BABAM2: variants seen among roughly 807,000 people sequenced by gnomAD.
BABAM2 encodes BRISC and BRCA1 A complex member 2.
A neutral mutation model predicts 54.7 loss-of-function variants in BABAM2; 31 were observed. The ratio of observed to expected loss-of-function variants is 0.57; its 90% confidence interval spans 0.43 to 0.77. BABAM2 has a LOEUF of 0.77. Ranked by LOEUF, BABAM2 falls within the 30% of genes least tolerant of loss-of-function variation. The pLI is 0.00. For missense variants in BABAM2, 364 were observed against 455.8 expected (o/e 0.80, Z 1.83); for synonymous variants, 167 against 162.9 (o/e 1.03, Z -0.19).
intron 4 of BABAM2, among the ~76,000 whole-genome samples, chr2:28,023,499 CAGA>C (rs1217961562): frequency 1.3e-5 from 2 of 152,148 alleles, no homozygotes; most frequent in Non-Finnish European, 2.9e-5. Flanking sequence ...TTGAACAGCT[CAGA>C]AGGAGTTTCT....
chr2:27,909,169 T>C (rs2148299031), intron 2 of BABAM2, among the ~76,000 whole-genome samples: 1 of 152,202 alleles, frequency 6.6e-6, no homozygotes, highest in African/African-American at 2.4e-5. Flanking sequence ...CTCAGCCTCT[T>C]GAGTAGCTGG....
rs189839853 is a variant in BABAM2, at chr2:28,184,532, A to G, written c.681-52670A>G. On this transcript the variant is annotated intron_variant, in intron 7 of 11. Coordinates refer to ENST00000379624, the MANE Select transcript of BABAM2 (RefSeq NM_199191.3). ...TGTGATGTTCCCCTTCCTGTGTCCA[A>G]GTGTTCTCATTGTTCAGTTCCCACC... Among the ~76,000 whole-genome samples the G allele has an allele frequency of 1.2e-3, 166 of 138,490 alleles. 1 individual carries two copies. Among genetic ancestry groups the G allele is most frequent in the Admixed American group, 4.2e-3 (53 of 12,542 alleles). The allele number at this position is 138,490 out of a possible 152,430, so 90.9% of individuals were successfully genotyped here.
intron 11 of BABAM2, chr2:28,310,099 A>G (rs1244533142): frequency 6.2e-7 from 1 of 1,614,186 alleles, no homozygotes; most frequent in Admixed American, 1.7e-5. Flanking sequence ...AGCAACAGAG[A>G]TGGGGAGGAA....
chr2:28,040,763 G>A lies in BABAM2; in HGVS notation c.496-4962G>A, dbSNP rs373755808. 4.6e-5 allele frequency among the ~76,000 whole-genome samples: 7 copies of A among 152,264 alleles called. No homozygotes were observed. In the East Asian group the frequency reaches 9.6e-4, roughly 21 times the overall value. ...TATGGTTTCCCAAATTCCCTTCATA[G>A]TATTGTTTCTTTTATTATGAATTTA... On this transcript the variant is annotated intron_variant, in intron 5 of 11. Coordinates refer to ENST00000379624, the MANE Select transcript of BABAM2 (RefSeq NM_199191.3).
At chr2:28,112,175 C>CTCCCTCCCTCCT (rs1668152788) in intron 6 of BABAM2, among the ~76,000 whole-genome samples, 3 of 56,060 alleles carry the variant, frequency 5.4e-5, no homozygotes, top group Non-Finnish European at 6.7e-5. Context: ...CCCTCCCTCC[C>CTCCCTCCCTCCT]TCCCTCCCTC....
In BABAM2 at chr2:28,131,070, ATTATTATTATTTTT is replaced by A. The variant is rs1212044637; in HGVS notation, c.680+1693_680+1706del. Among the ~76,000 whole-genome samples the A allele has an allele frequency of 7.2e-4, 5 of 6,954 alleles. 2 individuals are homozygous for A. The highest frequency in any genetic ancestry group is 0.2 in the Middle Eastern group (2 of 10). The allele number at this position is 6,954 out of a possible 152,430, so 4.6% of individuals were successfully genotyped here. On this transcript the variant is annotated intron_variant, in intron 7 of 11. Transcript: ENST00000379624. Reference sequence around the variant, plus strand: ...AGAGTGTTTTATTATTATTATTATTATTATTATTATTTTTTTTTTTTTTTTTTTTGAGACGGAGT... The same window carrying A: ...AGAGTGTTTTATTATTATTATTATTATTTTTTTTTTTTTTTGAGACGGAGT...
intron 10 of BABAM2, among the ~76,000 whole-genome samples, chr2:28,270,279 A>G (rs1252380192): frequency 1.3e-5 from 2 of 152,010 alleles, no homozygotes; most frequent in African/African-American, 4.8e-5. Flanking sequence ...GTCCCAGCAC[A>G]CCTAGCTGAT....
intron 11 of BABAM2, chr2:28,327,513 A>G (rs1422511558): frequency 6.8e-7 from 1 of 1,467,832 alleles, no homozygotes; most frequent in Admixed American, 2.3e-5. Flanking sequence ...TTTGATGTCT[A>G]GAAATGGATC....
intron 4 of BABAM2, chr2:28,013,292 C>T (rs1282565112): frequency 1.1e-5 from 5 of 447,784 alleles, no homozygotes; most frequent in East Asian, 7.1e-5. Context: ...GATAAGATTC[C>T]ACCAGTAGGT....
intron 7 of BABAM2, among the ~76,000 whole-genome samples, chr2:28,202,934 G>A (rs1678436438): frequency 6.6e-6 from 1 of 152,070 alleles, no homozygotes; most frequent in African/African-American, 2.4e-5. Context: ...CATGGATTTT[G>A]TACCTTAACC....
chr2:28,302,416 CAAA>C (rs34808748), intron 11 of BABAM2, among the ~76,000 whole-genome samples: 18 of 133,528 alleles, frequency 1.3e-4, no homozygotes, highest in African/African-American at 1.9e-4. Flanking sequence ...GACTCCATCT[CAAA>C]AAAAAAAAAA....
chr2:28,276,286 TTCTC>T (rs35153938), intron 10 of BABAM2, among the ~76,000 whole-genome samples: 2,287 of 152,228 alleles, frequency 0.015, 67 homozygotes, highest in African/African-American at 0.052. Context: ...GGTTGGTACT[TTCTC>T]TCAGAATTTT....
At chr2:28,211,614 CCTGA>C (rs1679469282) in intron 7 of BABAM2, among the ~76,000 whole-genome samples, 1 of 151,926 alleles carries the variant, frequency 6.6e-6, no homozygotes, top group South Asian at 2.1e-4. Context: ...GTCTTGAACT[CCTGA>C]CCTCAGGTGA....
intron 11 of BABAM2, among the ~76,000 whole-genome samples, chr2:28,309,772 C>G (rs1295086327): frequency 1.3e-5 from 2 of 152,198 alleles, no homozygotes; most frequent in Admixed American, 1.3e-4. Flanking sequence ...AACCTCATCT[C>G]AGCTGAACTC....
At chr2:28,290,375 T>A (rs1687189186) in intron 10 of BABAM2, among the ~76,000 whole-genome samples, 1 of 152,214 alleles carries the variant, frequency 6.6e-6, no homozygotes. Context: ...ACCTTTACTT[T>A]TACTGTACAA....
chr2:27,955,001 G>A (rs1445511283), intron 3 of BABAM2, among the ~76,000 whole-genome samples: 2 of 152,134 alleles, frequency 1.3e-5, no homozygotes, highest in Non-Finnish European at 2.9e-5. Context: ...CACATGTGAG[G>A]AAACCAGTGG....
chr2:28,233,851 A>G (rs1473780051), intron 7 of BABAM2, among the ~76,000 whole-genome samples: 1 of 152,172 alleles, frequency 6.6e-6, no homozygotes, highest in Admixed American at 6.5e-5. Context: ...GTGGGAGAGT[A>G]CTGAGGTATG....
intron 3 of BABAM2, among the ~76,000 whole-genome samples, chr2:27,931,256 A>G (rs1293885979): frequency 6.6e-6 from 1 of 152,186 alleles, no homozygotes; most frequent in Admixed American, 6.5e-5. Context: ...AAAAGAAATG[A>G]TCAAAGTAAA....
intron 10 of BABAM2, among the ~76,000 whole-genome samples, chr2:28,259,766 G>T (rs1224753609): frequency 6.6e-6 from 1 of 151,680 alleles, no homozygotes; most frequent in Non-Finnish European, 1.5e-5. Flanking sequence ...TTTGTGTATG[G>T]TATAAGGTAA....
Sources: allele counts gnomAD v4.1 joint callset (sites outside exome capture counted in the v4.1 genomes callset), GRCh38; gene constraint gnomAD v4.1.1; transcripts MANE v1.5; gene names NCBI Gene and HGNC (gene_info 2026-07-23, HGNC 2026-07-21).